PLCZ1: variants seen among roughly 807,000 people sequenced by gnomAD.
The protein encoded by PLCZ1 is phospholipase C zeta 1.
In PLCZ1, 64 loss-of-function variants were observed where a neutral mutation model predicts 76.8. The observed-to-expected ratio is 0.83, with a 90% CI of 0.68 to 1.03. The LOEUF (loss-of-function observed/expected upper bound fraction) is 1.03, where lower values mean the gene tolerates loss of function less well. Among genes scored for constraint, PLCZ1 ranks in the 50% least tolerant of loss-of-function variants. PLCZ1 has a pLI of 0.00. For missense variants in PLCZ1, 751 were observed against 713.7 expected (o/e 1.05, Z -0.60); for synonymous variants, 248 against 230.8 (o/e 1.07, Z -0.68).
chr12:18,647,509 T>C, the PLCZ1 span, among the ~76,000 whole-genome samples: 1 of 151,986 alleles, frequency 6.6e-6, no homozygotes, highest in Non-Finnish European at 1.5e-5. Flanking sequence ...AGAAGAATGA[T>C]GTTCTCTTTT....
intron 3 of PLCZ1, among the ~76,000 whole-genome samples, chr12:18,727,855 G>C (rs1958840955): frequency 1.3e-5 from 2 of 152,102 alleles, no homozygotes; most frequent in African/African-American, 4.8e-5. Context: ...CTTGGGACTT[G>C]TTGAAATGCA....
intron 9 of PLCZ1, 40 bp downstream of exon 9, chr12:18,701,461 T>C: frequency 6.2e-7 from 1 of 1,612,072 alleles, no homozygotes; most frequent in Non-Finnish European, 8.5e-7. Context: ...TTAGAAAACT[T>C]TCCAATCACT....
intron 12 of PLCZ1, among the ~76,000 whole-genome samples, chr12:18,692,198 A>G (rs1954200940): frequency 6.6e-6 from 1 of 152,128 alleles, no homozygotes; most frequent in Non-Finnish European, 1.5e-5. Context: ...ACAGAAACAT[A>G]AACACTACAA....
intron 6 of PLCZ1, among the ~76,000 whole-genome samples, chr12:18,710,764 C>T (rs368322671): frequency 2.5e-4 from 38 of 152,086 alleles, no homozygotes; most frequent in African/African-American, 8.4e-4. Context: ...ATTTATGCAG[C>T]CAAAAAACAC....
chr12:18,649,636 C>T, the PLCZ1 span, among the ~76,000 whole-genome samples: 15 of 152,212 alleles, frequency 9.9e-5, no homozygotes, highest in South Asian at 3.1e-3. Flanking sequence ...CTCTTAGAGC[C>T]ATTACAAGCA....
the PLCZ1 span, chr12:18,648,361 A>AT: frequency 1.8e-5 from 4 of 224,922 alleles, no homozygotes; most frequent in Non-Finnish European, 3.5e-5. Flanking sequence ...TAAAAGCAGT[A>AT]TTTTTAATGT....
In PLCZ1 at chr12:18,694,969, T is replaced by TA; in HGVS notation, c.1401dup (p.Lys468Ter). 1 of 1,607,840 alleles carries TA rather than the reference T, an allele frequency of 6.2e-7. No homozygotes were observed. On this transcript the variant is annotated frameshift_variant, in exon 12 of 15. Transcript: ENST00000266505. LOFTEE classifies it high-confidence loss of function. ...ATGTTACTTGGGTTAAAGTATGATT[T>TA]ACTCTCTCTTAAGAAATGTGGTTTC...
intron 6 of PLCZ1, among the ~76,000 whole-genome samples, chr12:18,707,232 T>C (rs1044070741): frequency 3.3e-5 from 5 of 152,210 alleles, no homozygotes; most frequent in Non-Finnish European, 7.3e-5. Context: ...TAAAACTTAA[T>C]ATTTTTGGAA....
At chr12:18,686,577 T>C (rs537889487) in intron 13 of PLCZ1, among the ~76,000 whole-genome samples, 35 of 152,202 alleles carry the variant, frequency 2.3e-4, no homozygotes, top group Non-Finnish European at 3.7e-4. Context: ...TTATGGCTTC[T>C]GCCTTAAATG....
At chr12:18,700,025 T>C in intron 9 of PLCZ1, 75 bp from the exon 10 acceptor site, 1 of 1,213,154 alleles carries the variant, frequency 8.2e-7, no homozygotes, top group Non-Finnish European at 1.2e-6. Context: ...GTAAAGAAAA[T>C]ACACTTTCAA....
At chr12:18,665,762 C>G in the PLCZ1 span, among the ~76,000 whole-genome samples, 1 of 152,002 alleles carries the variant, frequency 6.6e-6, no homozygotes, top group Non-Finnish European at 1.5e-5. Context: ...TGGTGAAACT[C>G]CTTCTCTAGT....
intron 12 of PLCZ1, among the ~76,000 whole-genome samples, chr12:18,690,284 T>C (rs1197688380): frequency 6.6e-6 from 1 of 152,088 alleles, no homozygotes; most frequent in South Asian, 2.1e-4. Flanking sequence ...AGTGCAACGG[T>C]GCGACCTCGG....
chr12:18,654,568 A>C, the PLCZ1 span, among the ~76,000 whole-genome samples: 30 of 152,186 alleles, frequency 2.0e-4, no homozygotes, highest in African/African-American at 7.0e-4. Flanking sequence ...AATGAGCAAA[A>C]TTATTGCCAC....
chr12:18,697,803 T>G (rs1273832884), intron 10 of PLCZ1, among the ~76,000 whole-genome samples: 1 of 41,816 alleles, frequency 2.4e-5, no homozygotes, highest in African/African-American at 2.1e-4. Flanking sequence ...TACAACATTA[T>G]TTTTTAATGA....
chr12:18,689,360 C>A (rs776610871), intron 12 of PLCZ1, among the ~76,000 whole-genome samples: 1 of 152,160 alleles, frequency 6.6e-6, no homozygotes, highest in Non-Finnish European at 1.5e-5. Context: ...GTCCAACCTG[C>A]GGGCCACATG....
At chr12:18,685,538 C>G (rs1284348814) in intron 13 of PLCZ1, 2 of 363,016 alleles carry the variant, frequency 5.5e-6, no homozygotes, top group African/African-American at 4.2e-5. Flanking sequence ...TCTATGTTTT[C>G]TATGGTTCAC....
the PLCZ1 span, among the ~76,000 whole-genome samples, chr12:18,664,550 A>C: frequency 6.6e-6 from 1 of 152,166 alleles, no homozygotes; most frequent in Non-Finnish European, 1.5e-5. Flanking sequence ...TATTTATATG[A>C]GATACTTAAA....
chr12:18,693,465 C>T, intron 12 of PLCZ1: 1 of 1,606,842 alleles, frequency 6.2e-7, no homozygotes, highest in Non-Finnish European at 8.5e-7. Context: ...CCACCTGGCA[C>T]AGGTAAAACC....
chr12:18,727,800 A>G (rs1215859960), intron 3 of PLCZ1, among the ~76,000 whole-genome samples: 1 of 152,202 alleles, frequency 6.6e-6, no homozygotes, highest in Non-Finnish European at 1.5e-5. Context: ...TTTAAAACAA[A>G]CCAATCTGTA....
Sources: allele counts gnomAD v4.1 joint callset (sites outside exome capture counted in the v4.1 genomes callset), GRCh38; gene constraint gnomAD v4.1.1; transcripts MANE v1.5; gene names NCBI Gene and HGNC (gene_info 2026-07-23, HGNC 2026-07-21).